ESPL1: variants seen among roughly 807,000 people sequenced by gnomAD.
ESPL1 encodes the protein extra spindle pole bodies like 1, separase, also known as separin.
Under a neutral mutation model 217.2 loss-of-function variants are expected in ESPL1, and 50 were observed. The observed-to-expected ratio is 0.23, with a 90% CI of 0.18 to 0.29. The LOEUF (loss-of-function observed/expected upper bound fraction) is 0.29, where lower values mean the gene tolerates loss of function less well. Among genes scored for constraint, ESPL1 ranks in the 10% least tolerant of loss-of-function variants. ESPL1 has a pLI of 1.00. For synonymous variants in ESPL1, 994 were observed against 1,081.3 expected (o/e 0.92, Z 1.58); for missense variants, 1,834 against 2,603.0 (o/e 0.70, Z 6.43).
intron 22 of ESPL1, 174 bp downstream of exon 22, chr12:53,289,768 C>T (rs1398599445): frequency 6.2e-6 from 4 of 643,000 alleles, no homozygotes; most frequent in Non-Finnish European, 1.0e-5. Flanking sequence ...TTTTTTAAAC[C>T]TCAACTTTGA....
At position 53,282,126 on chromosome 12, in the gene ESPL1, A is replaced by T; in HGVS notation, c.2620-138A>T. The stretch of plus-strand genomic sequence containing the variant: ...TAGGTCCAGGGAGATCTCGAAAGCC[A>T]GGCAAATATTCAGAAAATTCTAAAA... On this transcript the variant is annotated intron_variant, in intron 13 of 30. Transcript: ENST00000257934. The surrounding 1 kb of genome is among the most constrained non-coding windows in gnomAD (Gnocchi z 4.0). 1 of 706,718 alleles carries T rather than the reference A, an allele frequency of 1.4e-6. No individual in the cohort carries two copies. Among genetic ancestry groups the T allele is most frequent in the Non-Finnish European group, 2.5e-6 (1 of 407,810 alleles). The allele number at this position is 706,718 out of a possible 1,614,324, so 43.8% of individuals were successfully genotyped here. A position where few individuals can be genotyped will look rare whatever the true frequency, so the allele number is the denominator to read the frequency against.
intron 6 of ESPL1, chr12:53,274,182 T>G (rs778792452): frequency 6.5e-6 from 1 of 152,774 alleles, no homozygotes; most frequent in East Asian, 1.9e-4. Flanking sequence ...CAAGAATACC[T>G]GTGAACTGAT....
chr12:53,268,908 G>T, intron 2 of ESPL1, 61 bp downstream of exon 2: 1 of 1,522,562 alleles, frequency 6.6e-7, no homozygotes. Flanking sequence ...TTTTGTGTTT[G>T]CCTTTTGAAG....
In ESPL1 at chr12:53,277,463, C is replaced by T. The variant is rs1332933889; in HGVS notation, c.2086-7C>T. 2 of 1,613,388 alleles carry T rather than the reference C, an allele frequency of 1.2e-6. No individual in the cohort carries two copies. The highest frequency in any genetic ancestry group is 2.7e-5 in the African/African-American group (2 of 74,918). ...GCCCTGTTTTATACCCCGATCTTCCCATCCAGGGTATCGAGCGGGATCGGA... is the reference window on the plus strand; with the variant it reads ...GCCCTGTTTTATACCCCGATCTTCCTATCCAGGGTATCGAGCGGGATCGGA... On this transcript the variant is annotated splice_region_variant and splice_polypyrimidine_tract_variant and intron_variant, in intron 9 of 30. Coordinates refer to ENST00000257934, the MANE Select transcript of ESPL1 (RefSeq NM_012291.5).
Position 53,282,216 on chromosome 12 carries a change from G to T in ESPL1, c.2620-48G>T. On this transcript the variant is annotated intron_variant, in intron 13 of 30. Transcript: ENST00000257934. The surrounding 1 kb of genome is among the most constrained non-coding windows in gnomAD (Gnocchi z 4.0). ...AATCTCCAGGGCCTCTCAAGCTCTG[G>T]AGTGCCTGACTGCCTTACTGCCTCC... 1 of 1,550,870 alleles carries T rather than the reference G, an allele frequency of 6.4e-7. No homozygotes were observed. Among genetic ancestry groups the T allele is most frequent in the East Asian group, 2.3e-5 (1 of 44,352 alleles).
At position 53,282,054 on chromosome 12, in the gene ESPL1, C is replaced by G. The variant is rs1943871291; in HGVS notation, c.2620-210C>G. On this transcript the variant is annotated intron_variant, in intron 13 of 30. Coordinates refer to ENST00000257934, the MANE Select transcript of ESPL1 (RefSeq NM_012291.5). This position sits in a 1 kb window ranked among gnomAD's most constrained non-coding sequence, Gnocchi z 4.0. ...TTGGCGGACAAGTCACTGGTGAGGG[C>G]AAAGCTAGGAACTGTTACTGCTTCT... 6.6e-6 allele frequency among the ~76,000 whole-genome samples: 1 copy of G among 152,094 alleles called. No homozygotes were observed. Among genetic ancestry groups the G allele is most frequent in the African/African-American group, 2.4e-5 (1 of 41,406 alleles).
chr12:53,285,788 A>G, intron 17 of ESPL1, 136 bp from the exon 18 acceptor site: 2 of 573,230 alleles, frequency 3.5e-6, no homozygotes, highest in Admixed American at 5.5e-5. Context: ...ATACAGTAAT[A>G]CATATATATA....
chr12:53,284,814 C>T (rs974180177), intron 17 of ESPL1, among the ~76,000 whole-genome samples: 4 of 151,124 alleles, frequency 2.6e-5, no homozygotes, highest in African/African-American at 9.7e-5. Context: ...GAGTTCAAGA[C>T]CAGCCTGGCC....
chr12:53,293,115 C>A lies in ESPL1; in HGVS notation c.6161+145C>A. ...TTCCCTGGCATGCCTGGACCATTAACCCTTAGCTCCCTTCTGTTCTTCTCT... is the reference window on the plus strand; with the variant it reads ...TTCCCTGGCATGCCTGGACCATTAAACCTTAGCTCCCTTCTGTTCTTCTCT... On this transcript the variant is annotated intron_variant, in intron 30 of 30. Transcript: ENST00000257934. This position sits in a 1 kb window ranked among gnomAD's most constrained non-coding sequence, Gnocchi z 4.2. 2 of 966,844 alleles carry A rather than the reference C, an allele frequency of 2.1e-6. No homozygotes were observed. The highest frequency in any genetic ancestry group is 1.6e-5 in the African/African-American group (1 of 61,732). 59.9% of individuals were successfully genotyped at this position (966,844 alleles called of 1,614,324 possible).
intron 25 of ESPL1, among the ~76,000 whole-genome samples, chr12:53,291,317 G>GC (rs906394042): frequency 1.3e-5 from 2 of 150,592 alleles, no homozygotes; most frequent in African/African-American, 4.9e-5. Flanking sequence ...AAAAGGATAG[G>GC]CCCCTTGGCT....
rs1229017628 is a variant in ESPL1, at chr12:53,292,953, G to T, written c.6144G>T (p.Lys2048Asn). 1 of 1,613,502 alleles carries T rather than the reference G, an allele frequency of 6.2e-7. No homozygotes were observed. The highest frequency in any genetic ancestry group is 8.5e-7 in the Non-Finnish European group (1 of 1,179,962). The change falls in exon 30 of 31, where the codon AAG becomes AAT. Residue 2048 changes from lysine to asparagine, a missense_variant. Physicochemically the swap from Lys to Asn is moderately conservative, Grantham distance 94. Around this residue, in one of 5 missense-constraint regions of ESPL1, gnomAD observed 295 missense variants for 519.8 expected, o/e 0.57. Transcript: ENST00000257934. The surrounding 1 kb of genome is among the most constrained non-coding windows in gnomAD (Gnocchi z 4.5). ...TGGAGGGGGCTGGCATCGTGCTCAA[G>T]TACATCATGGCTGGTTGGTGAGTCT... is the stretch of plus-strand genomic sequence containing the variant. The part of the protein sequence containing the change: ...GNLEGAGIVL[K>N]YIMAGCPLFL...
Position 53,269,491 on chromosome 12 carries a change from C to G in ESPL1, c.549C>G (p.Thr183=), listed in dbSNP as rs1427341294. The change falls in exon 3 of 31, where the codon ACC becomes ACG. Residue 183 remains threonine, a synonymous_variant. Transcript: ENST00000257934. This position sits in a 1 kb window ranked among gnomAD's most constrained non-coding sequence, Gnocchi z 6.7. ...SFLVLLEDES[T]PCEVPHFASP... ...TAGTACTCTTGGAGGATGAAAGTACCCCTTGTGAGGTTCCTCACTTTGCTT... is the reference window on the plus strand; with the variant it reads ...TAGTACTCTTGGAGGATGAAAGTACGCCTTGTGAGGTTCCTCACTTTGCTT... 6.2e-7 allele frequency: 1 copy of G among 1,614,214 alleles called. No homozygotes were observed. Among genetic ancestry groups the G allele is most frequent in the African/African-American group, 1.3e-5 (1 of 75,054 alleles).
chr12:53,276,923 GA>G, intron 8 of ESPL1, 64 bp downstream of exon 8: 3 of 1,583,340 alleles, frequency 1.9e-6, no homozygotes, highest in Non-Finnish European at 2.6e-6. Flanking sequence ...ACCCTCTTGA[GA>G]ACCAGTTTCC....
intron 16 of ESPL1, 126 bp downstream of exon 16, chr12:53,283,664 C>T (rs1316353039): frequency 1.1e-6 from 1 of 899,820 alleles, no homozygotes; most frequent in East Asian, 2.5e-5. Flanking sequence ...AAAGGCATTC[C>T]ACAGCTAAAT....
In ESPL1 at chr12:53,288,335, G is replaced by A. The variant is rs140072296; in HGVS notation, c.4540G>A (p.Ala1514Thr). 1.5e-4 allele frequency: 244 copies of A among 1,596,882 alleles called. No individual in the cohort carries two copies. The African/African-American group carries it at 2.9e-3, about 19-fold the overall frequency. Residue 1514 changes from alanine to threonine, a missense_variant, in exon 19 of 31, where the codon GCC becomes ACC. Ala to Thr is a moderately conservative substitution (Grantham distance 58, BLOSUM62 0). Coordinates refer to ENST00000257934, the MANE Select transcript of ESPL1 (RefSeq NM_012291.5). ...CAGGGGCTCTGACGGGGAAGACTCA[G>A]CCTCAGGTAGGACAGCAAGGGTGAG... ...ILRGSDGEDSASGGKTPAPGP... is the reference protein window; with the variant it reads ...ILRGSDGEDSTSGGKTPAPGP...
chr12:53,281,489 C>T lies in ESPL1; in HGVS notation c.2500-18C>T, dbSNP rs752865864. ...GCCTGGCTGCCTTTCCTCATGTGCC[C>T]TCTGATTGCTTCCTTAGTTACACCT... is the stretch of plus-strand genomic sequence containing the variant. On this transcript the variant is annotated intron_variant, in intron 12 of 30. Transcript: ENST00000257934. The T allele has an allele frequency of 1.2e-6, 2 of 1,611,440 alleles. No individual in the cohort carries two copies. Among genetic ancestry groups the T allele is most frequent in the South Asian group, 2.2e-5 (2 of 90,852 alleles).
chr12:53,283,313 GCTGCGGTTT>G lies in ESPL1; in HGVS notation c.2920+57_2921-60del, dbSNP rs1164722020. On this transcript the variant is annotated intron_variant, in intron 15 of 30. Coordinates refer to ENST00000257934, the MANE Select transcript of ESPL1 (RefSeq NM_012291.5). ...TGGAATGGACAGGCTATGTGAGAGG[GCTGCGGTTT>G]TTTCTCCAGAGGATCCACACTGTGG... 1.6e-5 allele frequency: 26 copies of G among 1,610,894 alleles called. No homozygotes were observed. In the Admixed American group the frequency reaches 1.8e-4, roughly 11 times the overall value.
At chr12:53,272,082 G>T (rs905213873) in intron 5 of ESPL1, among the ~76,000 whole-genome samples, 1 of 76,332 alleles carries the variant, frequency 1.3e-5, no homozygotes, top group African/African-American at 6.9e-5. Flanking sequence ...GCAAGACTCT[G>T]TCTCAAAAAA....
At position 53,269,517 on chromosome 12, in the gene ESPL1, C is replaced by G. The variant is rs1301489044; in HGVS notation, c.575C>G (p.Ser192Cys). Residue 192 changes from serine (S) to cysteine (C), a missense_variant, in exon 3 of 31, where the codon TCT becomes TGT. Physicochemically the swap from Ser to Cys is moderately radical, Grantham distance 112 (BLOSUM62 -1). Coordinates refer to ENST00000257934, the MANE Select transcript of ESPL1 (RefSeq NM_012291.5). The surrounding 1 kb of genome is among the most constrained non-coding windows in gnomAD (Gnocchi z 6.7). ...CCTTGTGAGGTTCCTCACTTTGCTT[C>G]TCCAACAGCCTGTCGAGCGGTAGCT... is the stretch of plus-strand genomic sequence containing the variant. ...STPCEVPHFASPTACRAVAAH... is the reference protein window; with the variant it reads ...STPCEVPHFACPTACRAVAAH... The G allele has an allele frequency of 9.9e-6, 16 of 1,614,252 alleles. No homozygotes were observed. Among genetic ancestry groups the G allele is most frequent in the Non-Finnish European group, 1.4e-5 (16 of 1,180,046 alleles).
Sources: allele counts gnomAD v4.1 joint callset (sites outside exome capture counted in the v4.1 genomes callset), GRCh38; gene constraint gnomAD v4.1.1; regional missense constraint gnomAD v4.1.1; non-coding constraint Gnocchi (gnomAD v3.1); transcripts MANE v1.5; gene names NCBI Gene and HGNC (gene_info 2026-07-23, HGNC 2026-07-21).